The following GRID1 variants were observed in gnomAD, a reference collection of about 807,000 sequenced individuals.
GRID1 encodes the protein glutamate ionotropic receptor delta type subunit 1.
In GRID1, 28 loss-of-function variants were observed where a neutral mutation model predicts 98.0. The observed-to-expected ratio is 0.29, with a 90% confidence interval of 0.21 to 0.39. GRID1 has a LOEUF of 0.39. GRID1 is among the 10% of genes least tolerant of loss of function. The pLI is 1.00. For missense variants in GRID1, 1,111 were observed against 1,340.5 expected (o/e 0.83, Z 2.67); for synonymous variants, 553 against 538.5 (o/e 1.03, Z -0.37).
chr10:86,249,322 A>G (rs1435629191), intron 2 of GRID1, among the ~76,000 whole-genome samples: 1 of 152,168 alleles, frequency 6.6e-6, no homozygotes, highest in Non-Finnish European at 1.5e-5. Flanking sequence ...AGTGAGTCCC[A>G]AGGTCACCAT....
chr10:85,722,999 T>C lies in GRID1; in HGVS notation c.1997+4A>G. On this transcript the variant is annotated splice_donor_region_variant and intron_variant, in intron 12 of 15. Transcript: ENST00000327946. ...GGCTCCAGATCAAGGAGGAATAGGC[T>C]TACCTTATGGGGTTGTCCATCCTGG... 1 of 1,607,374 alleles carries C rather than the reference T, an allele frequency of 6.2e-7. No homozygotes were observed. The highest frequency in any genetic ancestry group is 1.1e-5 in the South Asian group (1 of 89,076).
At chr10:86,292,434 C>A (rs1274443251) in intron 2 of GRID1, among the ~76,000 whole-genome samples, 1 of 152,364 alleles carries the variant, frequency 6.6e-6, no homozygotes, top group South Asian at 2.1e-4. Context: ...CATCACCATG[C>A]CGGGAAGAAA....
chr10:85,675,950 G>T (rs1841140256), intron 12 of GRID1, among the ~76,000 whole-genome samples: 1 of 152,144 alleles, frequency 6.6e-6, no homozygotes, highest in South Asian at 2.1e-4. Context: ...ATTCAGTCAG[G>T]CCCTGGGGTC....
chr10:85,801,801 A>G (rs769646769), intron 8 of GRID1, among the ~76,000 whole-genome samples: 30 of 151,910 alleles, frequency 2.0e-4, no homozygotes, highest in Non-Finnish European at 3.2e-4. Flanking sequence ...AGAATATACA[A>G]TTATAGGGAA....
Position 86,325,739 on chromosome 10 carries a change from T to C in GRID1, c.235+38202A>G, listed in dbSNP as rs1006682676. Among the ~76,000 whole-genome samples the C allele has an allele frequency of 4.6e-5, 7 of 152,222 alleles. No individual in the cohort carries two copies. In the South Asian group the frequency reaches 1.4e-3, roughly 31 times the overall value. On this transcript the variant is annotated intron_variant, in intron 2 of 15. Coordinates refer to ENST00000327946, the MANE Select transcript of GRID1 (RefSeq NM_017551.3). ...TGGAATGTGGCTAAAATCATACTCT[T>C]TGTAAAATTCTTGGTAAACTAGGGA...
intron 4 of GRID1, among the ~76,000 whole-genome samples, chr10:85,925,489 C>T (rs1030898359): frequency 5.3e-5 from 8 of 152,342 alleles, no homozygotes; most frequent in Non-Finnish European, 7.4e-5. Flanking sequence ...GCAGGGGACA[C>T]GGCCCTGGGG....
At chr10:86,321,252 G>A (rs1847967237) in intron 2 of GRID1, among the ~76,000 whole-genome samples, 1 of 152,068 alleles carries the variant, frequency 6.6e-6, no homozygotes. Flanking sequence ...TAATTACCAT[G>A]GCATGGTAAT....
chr10:86,065,741 T>C (rs2001697), intron 4 of GRID1, among the ~76,000 whole-genome samples: 122,641 of 152,260 alleles, frequency 0.81, 49,712 homozygotes, highest in African/African-American at 0.89. Flanking sequence ...CTCAGCCCTC[T>C]TATGTCTGGC....
chr10:86,347,817 G>T, intron 2 of GRID1, among the ~76,000 whole-genome samples: 1 of 152,222 alleles, frequency 6.6e-6, no homozygotes, highest in Non-Finnish European at 1.5e-5. Context: ...CATGGAGGGT[G>T]ATTTCAGACC....
chr10:85,770,523 C>T (rs1842252556), intron 8 of GRID1, among the ~76,000 whole-genome samples: 1 of 152,120 alleles, frequency 6.6e-6, no homozygotes, highest in African/African-American at 2.4e-5. Flanking sequence ...GATCAAACTA[C>T]TCCTAGCTAC....
intron 2 of GRID1, among the ~76,000 whole-genome samples, chr10:86,263,463 G>GCAGCA (rs1195239952): frequency 6.6e-6 from 1 of 152,226 alleles, no homozygotes; most frequent in Non-Finnish European, 1.5e-5. Flanking sequence ...GTTCCAGCGT[G>GCAGCA]CAGCACCAAG....
At chr10:86,165,771 A>C (rs1845389583) in intron 3 of GRID1, among the ~76,000 whole-genome samples, 1 of 152,136 alleles carries the variant, frequency 6.6e-6, no homozygotes, top group African/African-American at 2.4e-5. Flanking sequence ...GGAGGTGCTC[A>C]GGGGAGGAAA....
chr10:86,255,616 T>C (rs1846905528), intron 2 of GRID1, among the ~76,000 whole-genome samples: 1 of 152,186 alleles, frequency 6.6e-6, no homozygotes, highest in African/African-American at 2.4e-5. Flanking sequence ...GTGCCCAGCC[T>C]TGTGGCACTG....
chr10:86,130,027 T>C (rs1844810599), intron 4 of GRID1, among the ~76,000 whole-genome samples: 1 of 152,244 alleles, frequency 6.6e-6, no homozygotes, highest in Admixed American at 6.5e-5. Flanking sequence ...AGTGTGCTTG[T>C]CAAGGGGCAG....
rs77456186 is a variant in GRID1 at position 85,711,174 on chromosome 10, C to A, written c.1997+11829G>T. ...CAGGCATTGAACAGGTATTTGTACA[C>A]CCATGTTTATAACGGCAGTATTTAC... On this transcript the variant is annotated intron_variant, in intron 12 of 15. Transcript: ENST00000327946. Among the ~76,000 whole-genome samples the A allele has an allele frequency of 1.2e-3, 179 of 152,050 alleles. 1 individual carries two copies. The highest frequency in any genetic ancestry group is 4.2e-3 in the African/African-American group (174 of 41,550).
At chr10:85,952,585 T>C (rs143669538) in intron 4 of GRID1, among the ~76,000 whole-genome samples, 158 of 152,286 alleles carry the variant, frequency 1.0e-3, no homozygotes, top group Non-Finnish European at 7.2e-4. Flanking sequence ...GTTTGTGTTT[T>C]TTTTTCTTCA....
intron 8 of GRID1, among the ~76,000 whole-genome samples, chr10:85,779,348 T>C (rs1308504801): frequency 6.6e-6 from 1 of 152,108 alleles, no homozygotes; most frequent in African/African-American, 2.4e-5. Context: ...GAGTGAAATC[T>C]CTCTAACTTG....
At chr10:85,872,709 T>C (rs1293244382) in intron 5 of GRID1, among the ~76,000 whole-genome samples, 1 of 152,190 alleles carries the variant, frequency 6.6e-6, no homozygotes, top group Non-Finnish European at 1.5e-5. Flanking sequence ...TCTACCCACC[T>C]GGGAATTCTT....
chr10:85,871,623 A>T (rs1303510651), intron 5 of GRID1, among the ~76,000 whole-genome samples: 1 of 152,226 alleles, frequency 6.6e-6, no homozygotes, highest in Non-Finnish European at 1.5e-5. Flanking sequence ...ATATGATGGT[A>T]AAAAGGAAGC....
Sources: gnomAD v4.1 joint callset for allele counts (sites outside exome capture counted in the v4.1 genomes callset) on GRCh38, gnomAD v4.1.1 for gene constraint, MANE v1.5 for transcripts, NCBI Gene and HGNC (gene_info 2026-07-23, HGNC 2026-07-21) for gene names.